The following HPSE2 variants were observed in gnomAD, a reference collection of about 807,000 sequenced individuals.
HPSE2 encodes heparanase 2 (inactive).
HPSE2 carries 38 observed loss-of-function variants against 60.5 expected under a neutral mutation model. That is an observed-to-expected ratio of 0.63 (90% CI 0.48 to 0.82). HPSE2 has a LOEUF of 0.82. HPSE2 is among the 40% of genes least tolerant of loss of function. The pLI is 0.00. For missense variants in HPSE2, 713 were observed against 740.4 expected (o/e 0.96, Z 0.43); for synonymous variants, 295 against 293.2 (o/e 1.01, Z -0.06).
chr10:98,976,435 A>G (rs1377515778), intron 3 of HPSE2, among the ~76,000 whole-genome samples: 1 of 152,170 alleles, frequency 6.6e-6, no homozygotes, highest in Non-Finnish European at 1.5e-5. Flanking sequence ...CTAGTAAATG[A>G]TGGGGATAGG....
intron 9 of HPSE2, among the ~76,000 whole-genome samples, chr10:98,606,697 CT>C (rs1304905052): frequency 3.9e-5 from 6 of 152,058 alleles, no homozygotes; most frequent in African/African-American, 1.4e-4. Flanking sequence ...TATCTAATGA[CT>C]GACAGATTTT....
At chr10:99,134,625 T>C (rs1179980529) in intron 3 of HPSE2, among the ~76,000 whole-genome samples, 1 of 152,184 alleles carries the variant, frequency 6.6e-6, no homozygotes, top group Non-Finnish European at 1.5e-5. Context: ...AAACTAAGTT[T>C]CATAAGTGAA....
chr10:99,299,232 G>A, the HPSE2 span, among the ~76,000 whole-genome samples: 153 of 152,026 alleles, frequency 1.0e-3, 1 homozygote, highest in Non-Finnish European at 4.7e-4. Flanking sequence ...CATCCAACAC[G>A]CCCTGGTCCC....
At chr10:98,887,205 C>T (rs988511948) in intron 3 of HPSE2, among the ~76,000 whole-genome samples, 1 of 152,062 alleles carries the variant, frequency 6.6e-6, no homozygotes, top group African/African-American at 2.4e-5. Context: ...ACCATAATAT[C>T]AACTTTAATA....
At chr10:99,195,870 A>G (rs1003529704) in intron 2 of HPSE2, among the ~76,000 whole-genome samples, 1 of 152,100 alleles carries the variant, frequency 6.6e-6, no homozygotes, top group Non-Finnish European at 1.5e-5. Context: ...TAAAATTTAT[A>G]TGGAACCACA....
chr10:99,037,537 A>G (rs1260825503), intron 3 of HPSE2, among the ~76,000 whole-genome samples: 1 of 152,086 alleles, frequency 6.6e-6, no homozygotes, highest in African/African-American at 2.4e-5. Context: ...AAAGGACATC[A>G]ATTAAATGCA....
intron 3 of HPSE2, among the ~76,000 whole-genome samples, chr10:98,885,465 T>A (rs1047229673): frequency 6.6e-6 from 1 of 152,126 alleles, no homozygotes; most frequent in South Asian, 2.1e-4. Context: ...TCAAGCAGCA[T>A]CATGTGCTAC....
At chr10:98,821,244 A>G (rs950059093) in intron 3 of HPSE2, among the ~76,000 whole-genome samples, 43 of 152,324 alleles carry the variant, frequency 2.8e-4, no homozygotes, top group African/African-American at 1.0e-3. Context: ...GGGTAATTTC[A>G]TCATTGTATG....
chr10:98,613,407 T>C (rs928407305), intron 9 of HPSE2, among the ~76,000 whole-genome samples: 1 of 152,180 alleles, frequency 6.6e-6, no homozygotes, highest in Non-Finnish European at 1.5e-5. Flanking sequence ...ATGTAAGCAA[T>C]TATGCTAGTT....
intron 3 of HPSE2, among the ~76,000 whole-genome samples, chr10:99,071,875 T>C (rs1417127217): frequency 1.3e-5 from 2 of 152,326 alleles, no homozygotes; most frequent in African/African-American, 2.4e-5. Flanking sequence ...AGGTTGACTG[T>C]AAATGGGTCA....
chr10:99,031,625 A>G (rs1957501050), intron 3 of HPSE2, among the ~76,000 whole-genome samples: 1 of 152,196 alleles, frequency 6.6e-6, no homozygotes, highest in East Asian at 1.9e-4. Context: ...AAATGGAGGT[A>G]TGATTGGAGA....
intron 2 of HPSE2, among the ~76,000 whole-genome samples, chr10:99,156,745 G>C (rs944290344): frequency 7.7e-6 from 1 of 129,950 alleles, no homozygotes; most frequent in Admixed American, 8.1e-5. Context: ...TGAAAGTTCT[G>C]GCCAGGGCAA....
chr10:98,741,562 G>A (rs2134319956), intron 4 of HPSE2, among the ~76,000 whole-genome samples: 1 of 147,878 alleles, frequency 6.8e-6, no homozygotes, highest in East Asian at 2.1e-4. Context: ...CTCCAATTAT[G>A]CCAGTTGTAG....
intron 3 of HPSE2, among the ~76,000 whole-genome samples, chr10:98,847,994 T>C (rs757872316): frequency 6.6e-6 from 1 of 152,260 alleles, no homozygotes; most frequent in Non-Finnish European, 1.5e-5. Flanking sequence ...AGATGTTCTC[T>C]GTGCATATAA....
Position 99,031,942 on chromosome 10 carries a change from G to A in HPSE2, c.610+112296C>T, listed in dbSNP as rs568868825. On this transcript the variant is annotated intron_variant, in intron 3 of 11. Transcript: ENST00000370552. Reference sequence around the variant, plus strand: ...AGCTATTAGGGATTTTTGTTCCTGGGATTTCTGCTACCTTATTAAGCATGA... The same window carrying A: ...AGCTATTAGGGATTTTTGTTCCTGGAATTTCTGCTACCTTATTAAGCATGA... 5.3e-5 allele frequency among the ~76,000 whole-genome samples: 8 copies of A among 152,238 alleles called. No homozygotes were observed. The South Asian group carries it at 1.7e-3, about 32-fold the overall frequency.
chr10:99,145,052 T>C (rs1049092419), intron 2 of HPSE2, among the ~76,000 whole-genome samples: 23 of 152,240 alleles, frequency 1.5e-4, no homozygotes, highest in Admixed American at 2.6e-4. Flanking sequence ...TCATGGAAGA[T>C]CTGCCTTTTC....
chr10:98,883,793 G>T (rs984699245), intron 3 of HPSE2, among the ~76,000 whole-genome samples: 2 of 152,056 alleles, frequency 1.3e-5, no homozygotes, highest in Non-Finnish European at 2.9e-5. Flanking sequence ...GACACAGCAA[G>T]ACACCAACTC....
the HPSE2 span, among the ~76,000 whole-genome samples, chr10:99,311,668 G>A: frequency 0.86 from 130,503 of 152,120 alleles, 56,362 homozygotes; most frequent in African/African-American, 0.93. Context: ...TAACCATATT[G>A]AAATTAGTCC....
chr10:99,128,492 G>A (rs918906156), intron 3 of HPSE2, among the ~76,000 whole-genome samples: 2 of 152,026 alleles, frequency 1.3e-5, no homozygotes, highest in Non-Finnish European at 2.9e-5. Flanking sequence ...CATGGAATAC[G>A]ATGCAGCCAT....
Sources: allele counts gnomAD v4.1 joint callset (sites outside exome capture counted in the v4.1 genomes callset), GRCh38; gene constraint gnomAD v4.1.1; transcripts MANE v1.5; gene names NCBI Gene and HGNC (gene_info 2026-07-23, HGNC 2026-07-21).